Variants in EYS observed in about 807,000 individuals in gnomAD.
EYS encodes protein eyes shut homolog.
A neutral mutation model predicts 282.1 loss-of-function variants in EYS; 250 were observed. The ratio of observed to expected loss-of-function variants is 0.89; its 90% CI spans 0.80 to 0.98. The LOEUF (loss-of-function observed/expected upper bound fraction) is 0.98. EYS is among the 50% of genes least tolerant of loss of function. The pLI, the probability that EYS is intolerant of heterozygous loss-of-function variation, is 0.00. For synonymous variants in EYS, 1,355 were observed against 1,282.9 expected (o/e 1.06, Z -1.20); for missense variants, 4,016 against 3,709.0 (o/e 1.08, Z -2.15).
chr6:63,998,328 T>C (rs1296485867), intron 34 of EYS, among the ~76,000 whole-genome samples: 7 of 152,188 alleles, frequency 4.6e-5, no homozygotes, highest in Admixed American at 4.6e-4. Context: ...TTAGATGTTA[T>C]TATGTGCTTC....
At chr6:64,450,512 T>C (rs966242380) in intron 26 of EYS, among the ~76,000 whole-genome samples, 1 of 152,098 alleles carries the variant, frequency 6.6e-6, no homozygotes, top group South Asian at 2.1e-4. Context: ...GTAGACCTAA[T>C]AGACATTTAC....
intron 22 of EYS, among the ~76,000 whole-genome samples, chr6:64,659,208 C>A (rs1768891023): frequency 1.3e-5 from 2 of 152,182 alleles, no homozygotes; most frequent in South Asian, 4.1e-4. Context: ...ACACAACATT[C>A]CAGAATCTCT....
chr6:64,301,630 A>T (rs1769240335), intron 30 of EYS, among the ~76,000 whole-genome samples: 1 of 152,202 alleles, frequency 6.6e-6, no homozygotes, highest in Non-Finnish European at 1.5e-5. Context: ...AGTAAAAAGC[A>T]ATTTGAAGCA....
rs185707636 is a variant in EYS, at chr6:64,758,938, A to G, written c.3443+54440T>C. On this transcript the variant is annotated intron_variant, in intron 22 of 42. Coordinates refer to ENST00000503581, the MANE Select transcript of EYS (RefSeq NM_001142800.2). Reference sequence around the variant, plus strand: ...CGGATCACTAGGTCAGGAGATAGAGACCATCCTGGCTAACACGGTGAAACC... The same window carrying G: ...CGGATCACTAGGTCAGGAGATAGAGGCCATCCTGGCTAACACGGTGAAACC... Among the ~76,000 whole-genome samples, 662 of 152,250 alleles carry G rather than the reference A, an allele frequency of 4.3e-3. 1 individual carries two copies. Among genetic ancestry groups the G allele is most frequent in the Non-Finnish European group, 7.2e-3 (489 of 68,026 alleles).
intron 12 of EYS, among the ~76,000 whole-genome samples, chr6:65,202,563 C>T (rs1178859127): frequency 2.0e-5 from 3 of 152,070 alleles, no homozygotes; most frequent in Non-Finnish European, 4.4e-5. Flanking sequence ...ATGAAGATGA[C>T]ATCTGCGGCC....
intron 13 of EYS, among the ~76,000 whole-genome samples, chr6:65,038,952 G>A (rs1399591577): frequency 6.6e-6 from 1 of 151,384 alleles, no homozygotes; most frequent in Admixed American, 6.6e-5. Context: ...CTGGGTATGT[G>A]TTTGTAAGTA....
At chr6:64,814,069 T>C (rs1319910889) in intron 21 of EYS, among the ~76,000 whole-genome samples, 1 of 152,046 alleles carries the variant, frequency 6.6e-6, no homozygotes, top group Non-Finnish European at 1.5e-5. Context: ...TATATCCATG[T>C]AAAATAGCTA....
intron 34 of EYS, among the ~76,000 whole-genome samples, chr6:63,993,062 A>T (rs1380342513): frequency 1.3e-5 from 2 of 151,836 alleles, no homozygotes; most frequent in Non-Finnish European, 2.9e-5. Context: ...AATAATAATT[A>T]CATTAACAAA....
intron 24 of EYS, among the ~76,000 whole-genome samples, chr6:64,613,190 G>A (rs1767165313): frequency 6.6e-6 from 1 of 152,042 alleles, no homozygotes; most frequent in Non-Finnish European, 1.5e-5. Flanking sequence ...GAATCTGATT[G>A]CCAAATTAAT....
At chr6:64,876,934 TG>T (rs1318415463) in intron 19 of EYS, among the ~76,000 whole-genome samples, 1 of 152,098 alleles carries the variant, frequency 6.6e-6, no homozygotes, top group Non-Finnish European at 1.5e-5. Context: ...ATTTTGAACA[TG>T]GGAGTGAAGT....
chr6:64,424,571 A>G (rs1774342957), intron 28 of EYS, among the ~76,000 whole-genome samples: 1 of 152,214 alleles, frequency 6.6e-6, no homozygotes. Flanking sequence ...GCGTGTTTTT[A>G]AGACAACAGA....
intron 22 of EYS, among the ~76,000 whole-genome samples, chr6:64,656,795 G>A (rs1353649432): frequency 6.6e-6 from 1 of 152,150 alleles, no homozygotes; most frequent in African/African-American, 2.4e-5. Context: ...TGCTTTGCAT[G>A]AAAGTAGTTT....
At chr6:65,494,335 T>TGG (rs1336433609) in intron 4 of EYS, among the ~76,000 whole-genome samples, 1 of 152,020 alleles carries the variant, frequency 6.6e-6, no homozygotes, top group Non-Finnish European at 1.5e-5. Context: ...CGGACTGCAG[T>TGG]GGCGCTATGT....
intron 35 of EYS, among the ~76,000 whole-genome samples, chr6:63,864,912 G>T (rs1772635048): frequency 6.6e-6 from 1 of 152,200 alleles, no homozygotes; most frequent in East Asian, 1.9e-4. Context: ...GTGCATGAAA[G>T]CAGAGCTCAG....
intron 35 of EYS, among the ~76,000 whole-genome samples, chr6:63,974,227 A>AT (rs965687427): frequency 1.3e-5 from 2 of 151,982 alleles, no homozygotes; most frequent in African/African-American, 2.4e-5. Flanking sequence ...ATTTTTACGC[A>AT]TTTTTTTGGT....
intron 41 of EYS, among the ~76,000 whole-genome samples, chr6:63,743,446 C>G (rs1769134012): frequency 6.6e-6 from 1 of 152,118 alleles, no homozygotes; most frequent in Admixed American, 6.5e-5. Context: ...TTGGGCATGT[C>G]TGGTAGAATG....
chr6:63,905,254 T>G (rs1156769161), intron 35 of EYS, among the ~76,000 whole-genome samples: 4 of 21,324 alleles, frequency 1.9e-4, no homozygotes, highest in Admixed American at 6.5e-4. Flanking sequence ...TTCCCTTTTA[T>G]GTGGAAAGGC....
chr6:64,686,901 G>GTA lies in EYS; in HGVS notation c.3444-60658_3444-60657dup, dbSNP rs1204909793. On this transcript the variant is annotated intron_variant, in intron 22 of 42. Transcript: ENST00000503581. Reference sequence around the variant, plus strand: ...TATATATACACACACATATATATGTGTATATATATACACACATATATATAC... The same window carrying GTA: ...TATATATACACACACATATATATGTGTATATATATATACACACATATATATAC... 5.9e-4 allele frequency among the ~76,000 whole-genome samples: 19 copies of GTA among 32,052 alleles called. 2 individuals are homozygous for GTA. Among genetic ancestry groups the GTA allele is most frequent in the East Asian group, 2.1e-3 (4 of 1,884 alleles). The allele number at this position is 32,052 out of a possible 152,430, so 21.0% of individuals were successfully genotyped here.
At chr6:63,996,042 C>T (rs1767819832) in intron 34 of EYS, among the ~76,000 whole-genome samples, 2 of 151,180 alleles carry the variant, frequency 1.3e-5, no homozygotes, top group African/African-American at 4.9e-5. Context: ...TGTATCAAAA[C>T]ACTACATTGT....
Sources: allele counts gnomAD v4.1 joint callset (sites outside exome capture counted in the v4.1 genomes callset), GRCh38; gene constraint gnomAD v4.1.1; transcripts MANE v1.5; gene names NCBI Gene and HGNC (gene_info 2026-07-23, HGNC 2026-07-21).